The following SNCAIP variants were observed in gnomAD, a reference collection of about 807,000 sequenced individuals.
SNCAIP encodes the protein synuclein alpha interacting protein, also known as synphilin-1.
A neutral mutation model predicts 86.7 loss-of-function variants in SNCAIP; 43 were observed. The ratio of observed to expected loss-of-function variants is 0.50; its 90% CI spans 0.39 to 0.64. The LOEUF (loss-of-function observed/expected upper bound fraction) is 0.64. Among genes scored for constraint, SNCAIP ranks in the 30% least tolerant of loss-of-function variants. The pLI is 0.00. For synonymous variants in SNCAIP, 417 were observed against 427.2 expected (o/e 0.98, Z 0.29); for missense variants, 981 against 1,103.1 (o/e 0.89, Z 1.57).
intron 3 of SNCAIP, among the ~76,000 whole-genome samples, chr5:122,404,421 C>A (rs1027607034): frequency 1.3e-5 from 2 of 151,964 alleles, no homozygotes; most frequent in Non-Finnish European, 1.5e-5. Context: ...GCTGGTCGAC[C>A]TTTTCTCTTT....
intron 1 of SNCAIP, chr5:122,336,676 C>T (rs916391067): frequency 6.6e-6 from 1 of 152,440 alleles, no homozygotes; most frequent in African/African-American, 2.4e-5. Flanking sequence ...TTATGGCTCT[C>T]TACAGCCTCA....
At chr5:122,402,217 A>G (rs1158271023) in intron 2 of SNCAIP, among the ~76,000 whole-genome samples, 7 of 152,200 alleles carry the variant, frequency 4.6e-5, no homozygotes, top group Admixed American at 1.3e-4. Flanking sequence ...GCTGGTCTCA[A>G]GAAGCTACCA....
intron 1 of SNCAIP, chr5:122,312,958 G>C (rs760289627): frequency 2.0e-4 from 30 of 152,334 alleles, no homozygotes; most frequent in Non-Finnish European, 3.4e-4. Flanking sequence ...AATTGTCAAA[G>C]GCCACATTTT....
At chr5:122,450,082 T>A in intron 9 of SNCAIP, 145 bp downstream of exon 9, 2 of 664,238 alleles carry the variant, frequency 3.0e-6, no homozygotes, top group Admixed American at 5.1e-5. Flanking sequence ...GAAATCACAG[T>A]GAAAAAGGCA....
intron 1 of SNCAIP, among the ~76,000 whole-genome samples, chr5:122,334,073 A>G (rs1214226692): frequency 2.0e-5 from 3 of 152,212 alleles, no homozygotes; most frequent in African/African-American, 4.8e-5. Context: ...AGAGGATGGT[A>G]TGGCAGGCTT....
chr5:122,393,943 T>C, intron 2 of SNCAIP, among the ~76,000 whole-genome samples: 1 of 152,124 alleles, frequency 6.6e-6, no homozygotes, highest in East Asian at 1.9e-4. Flanking sequence ...GCTGTTTAGG[T>C]AAACTAGGAG....
rs1772370458 is a variant in SNCAIP at position 122,403,829 on chromosome 5, T to C, written c.94T>C (p.Cys32Arg). The change falls in exon 3 of 11, where the codon TGC becomes CGC. Residue 32 changes from cysteine to arginine, a missense_variant. Cys to Arg is a radical substitution (Grantham distance 180). Transcript: ENST00000261368. ...ATCACTCAAGACGATCCCAGAACTGTGCCGAAGATGTGATACGCAAAACGA... is the reference window on the plus strand; with the variant it reads ...ATCACTCAAGACGATCCCAGAACTGCGCCGAAGATGTGATACGCAAAACGA... ...VTSLKTIPEL[C>R]RRCDTQNEDR... is the part of the protein sequence containing the mutation. 2 of 1,613,950 alleles carry C rather than the reference T, an allele frequency of 1.2e-6. No homozygotes were observed. Among genetic ancestry groups the C allele is most frequent in the Non-Finnish European group, 1.7e-6 (2 of 1,179,852 alleles).
intron 2 of SNCAIP, among the ~76,000 whole-genome samples, chr5:122,391,821 G>C (rs1769428196): frequency 6.6e-6 from 1 of 152,168 alleles, no homozygotes. Flanking sequence ...GCTTGGAATG[G>C]ATTGTCTACA....
intron 2 of SNCAIP, among the ~76,000 whole-genome samples, chr5:122,392,728 C>T (rs1769679906): frequency 6.6e-6 from 1 of 152,162 alleles, no homozygotes. Context: ...ATTAACTTCA[C>T]CTTTCTGAGA....
At position 122,425,344 on chromosome 5, in the gene SNCAIP, T is replaced by A. The variant is rs1777147768; in HGVS notation, c.1003-8T>A. On this transcript the variant is annotated splice_region_variant and splice_polypyrimidine_tract_variant and intron_variant, in intron 4 of 10. Coordinates refer to ENST00000261368, the MANE Select transcript of SNCAIP (RefSeq NM_005460.4). The stretch of plus-strand genomic sequence containing the variant: ...GACTTGGGTTTTCTAATCTTACTAT[T>A]TATACAGCCACACCTAGCTGCAGAC... The A allele has an allele frequency of 6.2e-7, 1 of 1,610,782 alleles. No individual in the cohort carries two copies. Among genetic ancestry groups the A allele is most frequent in the Non-Finnish European group, 8.5e-7 (1 of 1,177,046 alleles).
intron 1 of SNCAIP, among the ~76,000 whole-genome samples, chr5:122,319,707 G>C (rs1002943995): frequency 3.3e-5 from 5 of 152,196 alleles, no homozygotes; most frequent in African/African-American, 1.2e-4. Flanking sequence ...TGTTTTAAAA[G>C]CTGATGCAGA....
intron 3 of SNCAIP, 121 bp from the exon 4 acceptor site, chr5:122,422,747 T>C: frequency 1.3e-6 from 1 of 775,866 alleles, no homozygotes; most frequent in Non-Finnish European, 2.2e-6. Context: ...GCACTCTAAG[T>C]CATCCTCACA....
intron 7 of SNCAIP, among the ~76,000 whole-genome samples, chr5:122,442,112 CTTTTTTTTT>C (rs10688988): frequency 6.5e-4 from 43 of 65,732 alleles, no homozygotes; most frequent in African/African-American, 2.3e-3. Flanking sequence ...AAGCAGTACT[CTTTTTTTTT>C]TTTTTTTTTT....
chr5:122,431,077 T>C (rs1350057085), intron 5 of SNCAIP, among the ~76,000 whole-genome samples: 1 of 152,166 alleles, frequency 6.6e-6, no homozygotes, highest in Non-Finnish European at 1.5e-5. Flanking sequence ...CTTATGAAGT[T>C]TAATTGAAGA....
At chr5:122,446,570 A>G (rs1782360401) in intron 8 of SNCAIP, among the ~76,000 whole-genome samples, 1 of 152,236 alleles carries the variant, frequency 6.6e-6, no homozygotes, top group African/African-American at 2.4e-5. Flanking sequence ...TGTCTCCAGA[A>G]CAGAATGCTG....
intron 3 of SNCAIP, among the ~76,000 whole-genome samples, chr5:122,405,113 A>T (rs1772690018): frequency 6.6e-6 from 1 of 152,218 alleles, no homozygotes; most frequent in South Asian, 2.1e-4. Context: ...ACCAATGACT[A>T]TGATCAATGA....
At chr5:122,340,771 A>G (rs115516027) in intron 1 of SNCAIP, among the ~76,000 whole-genome samples, 151 of 152,358 alleles carry the variant, frequency 9.9e-4, no homozygotes, top group African/African-American at 3.6e-3. Context: ...ATTCAAAAGC[A>G]CATAATCATA....
At chr5:122,333,271 G>C (rs1360800952) in intron 1 of SNCAIP, among the ~76,000 whole-genome samples, 1 of 152,182 alleles carries the variant, frequency 6.6e-6, no homozygotes. Flanking sequence ...TGACTAAATT[G>C]AAATACCATA....
chr5:122,371,812 G>C (rs1046366372), intron 1 of SNCAIP: 2 of 152,184 alleles, frequency 1.3e-5, no homozygotes, highest in African/African-American at 4.8e-5. Flanking sequence ...GATTAAATCA[G>C]ATTAAAATTG....
Sources: allele counts gnomAD v4.1 joint callset (sites outside exome capture counted in the v4.1 genomes callset), GRCh38; gene constraint gnomAD v4.1.1; transcripts MANE v1.5; gene names NCBI Gene and HGNC (gene_info 2026-07-23, HGNC 2026-07-21).